SIRPD: variants seen among roughly 807,000 people sequenced by gnomAD.
SIRPD encodes signal regulatory protein delta.
SIRPD carries 21 observed loss-of-function variants against 18.0 expected under a neutral mutation model. The observed-to-expected ratio is 1.17, with a 90% CI of 0.83 to 1.68. SIRPD has a LOEUF of 1.68. Ranked by LOEUF, SIRPD falls within the 40% of genes most tolerant of loss-of-function variation. The probability of loss-of-function intolerance (pLI) is 0.00; values close to 1 mark genes in which losing one functional copy is unlikely to be tolerated. For missense variants in SIRPD, 295 were observed against 238.4 expected, an observed-to-expected ratio of 1.24 and a Z score of -1.56; for synonymous variants, 106 against 92.9, an observed-to-expected ratio of 1.14 and a Z score of -0.81.
At chr20:1,549,311 C>T (rs2091007645) in intron 2 of SIRPD, among the ~76,000 whole-genome samples, 1 of 151,708 alleles carries the variant, frequency 6.6e-6, no homozygotes, top group East Asian at 1.9e-4. Flanking sequence ...AATGGTTACA[C>T]CAAATGCTTT....
chr20:1,546,315 GCA>G (rs2090993515), intron 2 of SIRPD, among the ~76,000 whole-genome samples: 1 of 152,218 alleles, frequency 6.6e-6, no homozygotes, highest in South Asian at 2.1e-4. Context: ...GAGATGTCCT[GCA>G]CAGAGAGGAA....
chr20:1,534,826 G>A (rs979220696), intron 3 of SIRPD, among the ~76,000 whole-genome samples: 3 of 152,172 alleles, frequency 2.0e-5, no homozygotes, highest in African/African-American at 4.8e-5. Context: ...AGACACTCAC[G>A]TTTCATTGGG....
Position 1,534,385 on chromosome 20 carries a change from G to C in SIRPD, c.*40C>G. On this transcript the variant is annotated 3_prime_UTR_variant, in exon 4 of 4. Transcript: ENST00000381623. ...CTCCAGGGAGTCAGAAGAGTATGGGGGCTTTTGTTATTTACTTGTACGTTC... is the reference window on the plus strand; with the variant it reads ...CTCCAGGGAGTCAGAAGAGTATGGGCGCTTTTGTTATTTACTTGTACGTTC... 6.2e-7 allele frequency: 1 copy of C among 1,611,622 alleles called. No individual in the cohort carries two copies.
At chr20:1,545,123 T>C (rs182232253) in intron 2 of SIRPD, among the ~76,000 whole-genome samples, 1 of 152,318 alleles carries the variant, frequency 6.6e-6, no homozygotes, top group East Asian at 1.9e-4. Flanking sequence ...AGTATCTTTG[T>C]GGTGCTCTCT....
intron 3 of SIRPD, 128 bp downstream of exon 3, chr20:1,537,027 G>T: frequency 2.0e-6 from 2 of 1,003,750 alleles, no homozygotes; most frequent in Non-Finnish European, 2.9e-6. Flanking sequence ...AAAGAGGAAG[G>T]GGTGGCAAAG....
intron 2 of SIRPD, among the ~76,000 whole-genome samples, chr20:1,550,876 A>C (rs1013966337): frequency 6.6e-6 from 1 of 152,212 alleles, no homozygotes; most frequent in Non-Finnish European, 1.5e-5. Flanking sequence ...TGCCCAATAA[A>C]TGTTAGCATT....
chr20:1,549,079 A>G (rs1048767274), intron 2 of SIRPD, among the ~76,000 whole-genome samples: 4 of 152,028 alleles, frequency 2.6e-5, no homozygotes, highest in African/African-American at 7.2e-5. Flanking sequence ...ATATTAATCT[A>G]TTTTCAAATT....
chr20:1,551,898 G>T lies in SIRPD; in HGVS notation c.214C>A (p.Arg72=), dbSNP rs552135708. 1.2e-6 allele frequency: 2 copies of T among 1,613,956 alleles called. No homozygotes were observed. The highest frequency in any genetic ancestry group is 1.7e-6 in the Non-Finnish European group (2 of 1,179,994). Reference sequence around the variant, plus strand: ...TGTTTGAAATTGTAGATTAATTTCCGGTTTGGCCCTGTTCCCTTGAACCAC... The same window carrying T: ...TGTTTGAAATTGTAGATTAATTTCCTGTTTGGCCCTGTTCCCTTGAACCAC... ...VLWFKGTGPN[R]KLIYNFKQGN... Residue 72 remains arginine, a synonymous_variant, in exon 2 of 4, where the codon CGG becomes AGG. Transcript: ENST00000381623.
chr20:1,545,731 G>GT (rs1442938163), intron 2 of SIRPD, among the ~76,000 whole-genome samples: 2 of 152,190 alleles, frequency 1.3e-5, no homozygotes, highest in Admixed American at 6.5e-5. Flanking sequence ...TTTTTGCGCT[G>GT]TTTTTTCCTC....
intron 1 of SIRPD, 106 bp downstream of exon 1, chr20:1,557,475 G>A (rs2091046513): frequency 3.0e-6 from 3 of 1,010,046 alleles, no homozygotes; most frequent in South Asian, 4.7e-5. Context: ...GGGATAAGAT[G>A]GAGAAAACCC....
intron 3 of SIRPD, among the ~76,000 whole-genome samples, chr20:1,535,115 T>C (rs2090939686): frequency 6.6e-6 from 1 of 152,222 alleles, no homozygotes; most frequent in Non-Finnish European, 1.5e-5. Context: ...GATGTATATA[T>C]TGGGGATGTA....
At chr20:1,544,744 T>G (rs528663314) in intron 2 of SIRPD, among the ~76,000 whole-genome samples, 13 of 152,322 alleles carry the variant, frequency 8.5e-5, no homozygotes, top group African/African-American at 2.6e-4. Flanking sequence ...GTGTTTTTGC[T>G]GTGTCTGGTA....
At chr20:1,556,023 T>C (rs2091039630) in intron 1 of SIRPD, among the ~76,000 whole-genome samples, 1 of 152,230 alleles carries the variant, frequency 6.6e-6, no homozygotes, top group African/African-American at 2.4e-5. Context: ...CTTCCCTCAG[T>C]TCATTGCCAT....
At chr20:1,549,249 T>C (rs1479672627) in intron 2 of SIRPD, among the ~76,000 whole-genome samples, 1 of 152,222 alleles carries the variant, frequency 6.6e-6, no homozygotes, top group Non-Finnish European at 1.5e-5. Context: ...GTTACTTTCT[T>C]GTACTTATTT....
intron 2 of SIRPD, among the ~76,000 whole-genome samples, chr20:1,541,142 G>A (rs534073900): frequency 7.2e-5 from 11 of 152,156 alleles, no homozygotes; most frequent in Non-Finnish European, 1.0e-4. Flanking sequence ...TAATCCTTTC[G>A]GTATATACCC....
chr20:1,550,006 C>A (rs984156261), intron 2 of SIRPD, among the ~76,000 whole-genome samples: 1 of 152,168 alleles, frequency 6.6e-6, no homozygotes, highest in Non-Finnish European at 1.5e-5. Context: ...TATTCTCCCT[C>A]TAAACAGCTG....
chr20:1,536,963 A>C (rs1470079352), intron 3 of SIRPD, among the ~76,000 whole-genome samples, 192 bp downstream of exon 3: 2 of 152,220 alleles, frequency 1.3e-5, no homozygotes, highest in African/African-American at 2.4e-5. Flanking sequence ...GAATTCTGGA[A>C]GGATTTGTTT....
At position 1,534,368 on chromosome 20, in the gene SIRPD, A is replaced by T; in HGVS notation, c.*57T>A. 4 of 1,608,206 alleles carry T rather than the reference A, an allele frequency of 2.5e-6. No homozygotes were observed. The highest frequency in any genetic ancestry group is 3.4e-6 in the Non-Finnish European group (4 of 1,178,422). On this transcript the variant is annotated 3_prime_UTR_variant, in exon 4 of 4. Transcript: ENST00000381623. ...TCCTAAAAAGTAGCTGTCTCCAGGG[A>T]GTCAGAAGAGTATGGGGGCTTTTGT...
Position 1,557,677 on chromosome 20 carries a change from C to G in SIRPD, c.-24G>C, listed in dbSNP as rs747181792. The G allele has an allele frequency of 6.2e-7, 1 of 1,609,898 alleles. No individual in the cohort carries two copies. The highest frequency in any genetic ancestry group is 8.5e-7 in the Non-Finnish European group (1 of 1,177,860). On this transcript the variant is annotated 5_prime_UTR_variant, in exon 1 of 4. Coordinates refer to ENST00000381623, the MANE Select transcript of SIRPD (RefSeq NM_178460.3). Reference sequence around the variant, plus strand: ...ATTGTGGTGAAACCTGGAGCTTGCTCTGCCTGAATGCCTGTCCTGGAGATG... The same window carrying G: ...ATTGTGGTGAAACCTGGAGCTTGCTGTGCCTGAATGCCTGTCCTGGAGATG...
Sources: allele counts gnomAD v4.1 joint callset (sites outside exome capture counted in the v4.1 genomes callset), GRCh38; gene constraint gnomAD v4.1.1; transcripts MANE v1.5; gene names NCBI Gene and HGNC (gene_info 2026-07-23, HGNC 2026-07-21).